The following DYNLL2 variants were observed in gnomAD, a reference collection of about 807,000 sequenced individuals.
DYNLL2 encodes the protein dynein light chain LC8-type 2.
DYNLL2 carries 1 observed loss-of-function variant against 9.7 expected under a neutral mutation model. The ratio of observed to expected loss-of-function variants is 0.10; its 90% CI spans 0.04 to 0.49. The LOEUF is 0.49. DYNLL2 is among the 20% of genes least tolerant of loss of function. The pLI, the probability that DYNLL2 is intolerant of heterozygous loss-of-function variation, is 0.95. For synonymous variants in DYNLL2, 35 were observed against 40.5 expected, an observed-to-expected ratio of 0.86 and a Z score of 0.52; for missense variants, 37 against 115.2, an observed-to-expected ratio of 0.32 and a Z score of 3.11.
At chr17:58,088,852 G>T (rs567909728) in intron 2 of DYNLL2, among the ~76,000 whole-genome samples, 2 of 152,142 alleles carry the variant, frequency 1.3e-5, no homozygotes, top group African/African-American at 4.8e-5. Flanking sequence ...GGCGTGAGGG[G>T]GTGGGGTAGC....
rs1441342640 is a variant in DYNLL2, at chr17:58,090,824, G to A, written c.*1545G>A. 2 of 151,548 alleles carry A rather than the reference G, an allele frequency of 1.3e-5. No homozygotes were observed. Among genetic ancestry groups the A allele is most frequent in the Non-Finnish European group, 2.9e-5 (2 of 67,930 alleles). The allele number at this position is 151,548 out of a possible 1,614,324, so 9.4% of individuals were successfully genotyped here. ...AGTCGCCTTCAAAACTCTCGTGTAG[G>A]GTTGACAATGTGGGGGGGTGGGGGA... On this transcript the variant is annotated 3_prime_UTR_variant, in exon 3 of 3. Coordinates refer to ENST00000579991, the MANE Select transcript of DYNLL2 (RefSeq NM_080677.3).
In DYNLL2 at chr17:58,093,216, G is replaced by A. The variant is rs535710712; in HGVS notation, c.*3937G>A. On this transcript the variant is annotated 3_prime_UTR_variant, in exon 3 of 3. Coordinates refer to ENST00000579991, the MANE Select transcript of DYNLL2 (RefSeq NM_080677.3). Reference sequence around the variant, plus strand: ...AGGGCAGCCTTGCCTTTTCTGAAGAGAATGGCTGCCTTAGGCACGGCTCTC... The same window carrying A: ...AGGGCAGCCTTGCCTTTTCTGAAGAAAATGGCTGCCTTAGGCACGGCTCTC... 3 of 152,344 alleles carry A rather than the reference G, an allele frequency of 2.0e-5. No homozygotes were observed. The highest frequency in any genetic ancestry group is 7.2e-5 in the African/African-American group (3 of 41,588). 9.4% of individuals were successfully genotyped at this position (152,344 alleles called of 1,614,324 possible). A position where few individuals can be genotyped will look rare whatever the true frequency, so the allele number is the denominator to read the frequency against.
chr17:58,086,692 C>T (rs1170938169), intron 1 of DYNLL2, among the ~76,000 whole-genome samples: 1 of 152,178 alleles, frequency 6.6e-6, no homozygotes, highest in Non-Finnish European at 1.5e-5. Context: ...CTCAGGACAA[C>T]CCTTAGTCCC....
At chr17:58,088,031 A>G (rs1392776350) in intron 2 of DYNLL2, among the ~76,000 whole-genome samples, 1 of 152,142 alleles carries the variant, frequency 6.6e-6, no homozygotes, top group Admixed American at 6.5e-5. Context: ...AGTTTTACAG[A>G]ACTGTGTTTT....
At position 58,089,770 on chromosome 17, in the gene DYNLL2, A is replaced by G; in HGVS notation, c.*491A>G. On this transcript the variant is annotated 3_prime_UTR_variant, in exon 3 of 3. Coordinates refer to ENST00000579991, the MANE Select transcript of DYNLL2 (RefSeq NM_080677.3). ...TGTCAAGGAAAAAGGGGTAGGAAGGAAGGTGGAGGGATTGATCTAGTACCA... is the reference window on the plus strand; with the variant it reads ...TGTCAAGGAAAAAGGGGTAGGAAGGGAGGTGGAGGGATTGATCTAGTACCA... 1 of 400,964 alleles carries G rather than the reference A, an allele frequency of 2.5e-6. No individual in the cohort carries two copies. Among genetic ancestry groups the G allele is most frequent in the East Asian group, 3.6e-5 (1 of 28,102 alleles). 24.8% of individuals were successfully genotyped at this position (400,964 alleles called of 1,614,324 possible).
rs1486083198 is a variant in DYNLL2, at chr17:58,093,539, C to T, written c.*4260C>T. 6.6e-6 allele frequency: 1 copy of T among 152,114 alleles called. No individual in the cohort carries two copies. The highest frequency in any genetic ancestry group is 1.5e-5 in the Non-Finnish European group (1 of 68,030). The allele number at this position is 152,114 out of a possible 1,614,324, so 9.4% of individuals were successfully genotyped here. ...TACTAGAACTTAGCACTGTGATGCA[C>T]AAAGGCTTAACTGGGTTTGGCAGCA... On this transcript the variant is annotated 3_prime_UTR_variant, in exon 3 of 3. Transcript: ENST00000579991.
intron 1 of DYNLL2, among the ~76,000 whole-genome samples, chr17:58,085,273 G>A (rs963067892): frequency 5.3e-5 from 8 of 152,168 alleles, no homozygotes; most frequent in African/African-American, 1.9e-4. Flanking sequence ...CTGCCTGGCT[G>A]GCAGCTGGCA....
In DYNLL2 at chr17:58,091,563, A is replaced by C. The variant is rs971670571; in HGVS notation, c.*2284A>C. Reference sequence around the variant, plus strand: ...GACCTGCCTGAGCTTTGCTGCTTCAACTTTTGCCCAAAGCTCTTATCTTTC... The same window carrying C: ...GACCTGCCTGAGCTTTGCTGCTTCACCTTTTGCCCAAAGCTCTTATCTTTC... On this transcript the variant is annotated 3_prime_UTR_variant, in exon 3 of 3. Coordinates refer to ENST00000579991, the MANE Select transcript of DYNLL2 (RefSeq NM_080677.3). The C allele has an allele frequency of 8.5e-5, 13 of 152,280 alleles. No individual in the cohort carries two copies. The highest frequency in any genetic ancestry group is 6.8e-3 in the Middle Eastern group (2 of 294). 9.4% of individuals were successfully genotyped at this position (152,280 alleles called of 1,614,324 possible).
Position 58,089,947 on chromosome 17 carries a change from A to G in DYNLL2, c.*668A>G, listed in dbSNP as rs1242687797. 5.0e-6 allele frequency: 2 copies of G among 398,504 alleles called. No homozygotes were observed. The highest frequency in any genetic ancestry group is 1.3e-4 in the South Asian group (1 of 7,856). The allele number at this position is 398,504 out of a possible 1,614,324, so 24.7% of individuals were successfully genotyped here. On this transcript the variant is annotated 3_prime_UTR_variant, in exon 3 of 3. Transcript: ENST00000579991. ...CTGTCTTTGTCAGAATTTCTAAGTA[A>G]GGGCTGTGTCTTTGTGGATTACCTT...
chr17:58,083,768 G>A (rs992291132), intron 1 of DYNLL2, 85 bp downstream of exon 1: 1 of 151,954 alleles, frequency 6.6e-6, no homozygotes, highest in Non-Finnish European at 1.5e-5. Flanking sequence ...TCGCCGCGGT[G>A]GCCCTGCGGC....
rs2075779759 is a variant in DYNLL2 at position 58,091,460 on chromosome 17, T to G, written c.*2181T>G. ...CCTTAAGGGCTCCTGGGTTCTGCCTTCCTTGGTGGTGATGGCCAGGTGAAT... is the reference window on the plus strand; with the variant it reads ...CCTTAAGGGCTCCTGGGTTCTGCCTGCCTTGGTGGTGATGGCCAGGTGAAT... On this transcript the variant is annotated 3_prime_UTR_variant, in exon 3 of 3. Coordinates refer to ENST00000579991, the MANE Select transcript of DYNLL2 (RefSeq NM_080677.3). 6.6e-6 allele frequency: 1 copy of G among 152,272 alleles called. No homozygotes were observed. The highest frequency in any genetic ancestry group is 1.5e-5 in the Non-Finnish European group (1 of 68,132). 9.4% of individuals were successfully genotyped at this position (152,272 alleles called of 1,614,324 possible).
chr17:58,087,840 T>C (rs972364722), intron 2 of DYNLL2, among the ~76,000 whole-genome samples: 2 of 152,134 alleles, frequency 1.3e-5, no homozygotes, highest in Non-Finnish European at 2.9e-5. Flanking sequence ...GTTAACATGG[T>C]GAGGAAGCAG....
Position 58,083,477 on chromosome 17 carries a change from G to GGGCGGC in DYNLL2, c.-215_-214insGCGGCG, listed in dbSNP as rs2075743304. On this transcript the variant is annotated 5_prime_UTR_variant, in exon 1 of 3. Transcript: ENST00000579991. The stretch of plus-strand genomic sequence containing the variant: ...GTGCGGAGCGGGCGGGCGGGCGGGC[G>GGGCGGC]GCGTGAGGCGGAGCGCGGGCGGCCG... The GGGCGGC allele has an allele frequency of 6.7e-6, 1 of 149,620 alleles. No homozygotes were observed. The highest frequency in any genetic ancestry group is 6.7e-5 in the Admixed American group (1 of 14,968). 9.3% of individuals were successfully genotyped at this position (149,620 alleles called of 1,614,324 possible).
rs1335481495 is a variant in DYNLL2, at chr17:58,087,062, CCT to C, written c.-9-15_-9-14del. On this transcript the variant is annotated intron_variant, in intron 1 of 2. Coordinates refer to ENST00000579991, the MANE Select transcript of DYNLL2 (RefSeq NM_080677.3). ...CCAGAGCAAGGAGTTGTCAGCCTTA[CCT>C]CTCTGCTCCTTCTGTAGTGTCACAC... The C allele has an allele frequency of 1.2e-6, 2 of 1,611,482 alleles. No individual in the cohort carries two copies. The highest frequency in any genetic ancestry group is 1.7e-5 in the Admixed American group (1 of 59,968).
chr17:58,086,473 G>C (rs2143593972), intron 1 of DYNLL2, among the ~76,000 whole-genome samples: 2 of 152,290 alleles, frequency 1.3e-5, no homozygotes, highest in Middle Eastern at 6.8e-3. Context: ...ACTCGCGATA[G>C]AGAGCTATCC....
At chr17:58,086,942 C>T in intron 1 of DYNLL2, 140 bp from the exon 2 acceptor site, 1 of 990,618 alleles carries the variant, frequency 1.0e-6, no homozygotes, top group Non-Finnish European at 1.5e-6. Flanking sequence ...GGGGCTCCCT[C>T]TCCTAATGCT....
At chr17:58,089,020 G>T in intron 2 of DYNLL2, 122 bp from the exon 3 acceptor site, 1 of 1,207,442 alleles carries the variant, frequency 8.3e-7, no homozygotes. Flanking sequence ...GCTGAGGGAT[G>T]GGGTGGGGGT....
chr17:58,093,506 G>A lies in DYNLL2; in HGVS notation c.*4227G>A, dbSNP rs1208051503. The A allele has an allele frequency of 6.6e-6, 1 of 152,188 alleles. No homozygotes were observed. The allele number at this position is 152,188 out of a possible 1,614,324, so 9.4% of individuals were successfully genotyped here. ...GGTGAGTGGCAAAGCCCATGTAGCT[G>A]GTGGCATTACTAGAACTTAGCACTG... On this transcript the variant is annotated 3_prime_UTR_variant, in exon 3 of 3. Coordinates refer to ENST00000579991, the MANE Select transcript of DYNLL2 (RefSeq NM_080677.3).
rs1219606887 is a variant in DYNLL2 at position 58,093,810 on chromosome 17, C to G, written c.*4531C>G. ...TAGAGTTCTGACCTCTTGGGCCTCC[C>G]CTAAACAAAAAGCATAGCCCCTTCA... On this transcript the variant is annotated 3_prime_UTR_variant, in exon 3 of 3. Coordinates refer to ENST00000579991, the MANE Select transcript of DYNLL2 (RefSeq NM_080677.3). The G allele has an allele frequency of 6.6e-6, 1 of 152,124 alleles. No homozygotes were observed. The highest frequency in any genetic ancestry group is 1.5e-5 in the Non-Finnish European group (1 of 68,042). 9.4% of individuals were successfully genotyped at this position (152,124 alleles called of 1,614,324 possible).
Sources: allele counts gnomAD v4.1 joint callset (sites outside exome capture counted in the v4.1 genomes callset), GRCh38; gene constraint gnomAD v4.1.1; transcripts MANE v1.5; gene names NCBI Gene and HGNC (gene_info 2026-07-23, HGNC 2026-07-21).